MTR: variants seen among roughly 807,000 people sequenced by gnomAD.
The protein encoded by MTR is methionine synthase.
A neutral mutation model predicts 154.8 loss-of-function variants in MTR; 84 were observed. The ratio of observed to expected loss-of-function variants is 0.54; its 90% CI spans 0.45 to 0.65. The LOEUF (loss-of-function observed/expected upper bound fraction) is 0.65, where lower values mean the gene tolerates loss of function less well. MTR is among the 30% of genes least tolerant of loss of function. The pLI, the probability that MTR is intolerant of heterozygous loss-of-function variation, is 0.00. For synonymous variants in MTR, 554 were observed against 553.9 expected, an observed-to-expected ratio of 1.00 and a Z score of 0.00; for missense variants, 1,275 against 1,570.2, an observed-to-expected ratio of 0.81 and a Z score of 3.18.
At chr1:236,881,024 A>G (rs563033094) in intron 25 of MTR, among the ~76,000 whole-genome samples, 188 bp downstream of exon 25, 3 of 152,324 alleles carry the variant, frequency 2.0e-5, no homozygotes, top group South Asian at 2.1e-4. Flanking sequence ...ACCATGTCCT[A>G]TACTTTCAAA....
chr1:236,820,342 G>A (rs555498477), intron 8 of MTR: 614 of 756,660 alleles, frequency 8.1e-4, no homozygotes, highest in Middle Eastern at 3.2e-3. Context: ...TCCAGCTCCC[G>A]AGTTCACTGC....
intron 18 of MTR, among the ~76,000 whole-genome samples, chr1:236,856,156 T>C (rs1334910291): frequency 6.6e-6 from 1 of 152,178 alleles, no homozygotes. Context: ...GTCTGGTACA[T>C]TGTGGTATTT....
chr1:236,891,234 GCA>G lies in MTR; in HGVS notation c.3112_3113del (p.Gln1038GlufsTer32), dbSNP rs772410772. The G allele has an allele frequency of 6.2e-7, 1 of 1,614,160 alleles. No homozygotes were observed. The highest frequency in any genetic ancestry group is 1.3e-5 in the African/African-American group (1 of 75,022). On this transcript the variant is annotated frameshift_variant, in exon 29 of 33. Transcript: ENST00000366577. LOFTEE classifies it high-confidence loss of function. ...RARGVVGFWP[A>X]QSIQDDIHLY... The stretch of plus-strand genomic sequence containing the variant: ...CCGGGGTGTGGTTGGGTTCTGGCCA[GCA>G]CAGAGTATCCAAGACGACATTCACC...
chr1:236,898,441 C>G lies in MTR; in HGVS notation c.*797C>G, dbSNP rs1234405015. 6.6e-6 allele frequency: 1 copy of G among 151,552 alleles called. No individual in the cohort carries two copies. Among genetic ancestry groups the G allele is most frequent in the East Asian group, 1.9e-4 (1 of 5,170 alleles). 9.4% of individuals were successfully genotyped at this position (151,552 alleles called of 1,614,324 possible). On this transcript the variant is annotated 3_prime_UTR_variant, in exon 33 of 33. Transcript: ENST00000366577. ...TTGAGACAGAGTCTGGCTCTGTCGC[C>G]CAGGCTGGAGTGCAGGGGCGCAATC...
chr1:236,795,720 A>G lies in MTR; in HGVS notation c.17A>G (p.Gln6Arg). 1.2e-6 allele frequency: 2 copies of G among 1,614,170 alleles called. No homozygotes were observed. Among genetic ancestry groups the G allele is most frequent in the East Asian group, 4.5e-5 (2 of 44,886 alleles). The change falls in exon 1 of 33, where the codon CAA becomes CGA. Residue 6 changes from glutamine (Q) to arginine (R), a missense_variant. Physicochemically the swap from Gln to Arg is conservative, Grantham distance 43. Coordinates refer to ENST00000366577, the MANE Select transcript of MTR (RefSeq NM_000254.3). MSPAL[Q>R]DLSQPEGLKK... ...CTCGACAACATGTCACCCGCGCTCC[A>G]AGACCTGTCGCAACCCGGTAACGCT...
chr1:236,859,702 C>G (rs375566718), intron 18 of MTR, 131 bp from the exon 19 acceptor site: 1 of 715,380 alleles, frequency 1.4e-6, no homozygotes, highest in African/African-American at 1.7e-5. Context: ...TTATGCTGGA[C>G]AGTCTACTAG....
At chr1:236,888,351 A>G (rs1019455829) in intron 27 of MTR, among the ~76,000 whole-genome samples, 2 of 152,212 alleles carry the variant, frequency 1.3e-5, no homozygotes, top group Non-Finnish European at 2.9e-5. Context: ...GTGCTGCTCT[A>G]CCTGCCCCAG....
rs1198665229 is a variant in MTR, at chr1:236,822,303, G to GT, written c.765-1808dup. Among the ~76,000 whole-genome samples the GT allele has an allele frequency of 2.8e-4, 32 of 115,248 alleles. No individual in the cohort carries two copies. The South Asian group carries it at 4.6e-3, about 17-fold the overall frequency. The allele number at this position is 115,248 out of a possible 152,430, so 75.6% of individuals were successfully genotyped here. On this transcript the variant is annotated intron_variant, in intron 8 of 32. Coordinates refer to ENST00000366577, the MANE Select transcript of MTR (RefSeq NM_000254.3). The stretch of plus-strand genomic sequence containing the variant: ...GTGCTAGTGTAAATGGTTTTGTGGG[G>GT]TTTTTTTTGTTTTTTTTTTTTTTTG...
chr1:236,798,718 CAGAA>C (rs1660542007), intron 1 of MTR, among the ~76,000 whole-genome samples: 1 of 152,180 alleles, frequency 6.6e-6, no homozygotes, highest in Non-Finnish European at 1.5e-5. Context: ...GAAAGATAAT[CAGAA>C]AGAATCTGCT....
In MTR at chr1:236,856,185, TC is replaced by T. The variant is rs147621816; in HGVS notation, c.1953+3099del. ...GGTATTTTTCTGTGAACACACCAGT[TC>T]CTTTTTTCAAGAGTGTTTGGAACAC... On this transcript the variant is annotated intron_variant, in intron 18 of 32. Coordinates refer to ENST00000366577, the MANE Select transcript of MTR (RefSeq NM_000254.3). Among the ~76,000 whole-genome samples, 384 of 152,276 alleles carry T rather than the reference TC, an allele frequency of 2.5e-3. 6 individuals carry two copies. Among genetic ancestry groups the T allele is most frequent in the East Asian group, 0.013 (66 of 5,174 alleles).
At chr1:236,828,153 AT>A (rs1662403732) in intron 11 of MTR, among the ~76,000 whole-genome samples, 1 of 151,814 alleles carries the variant, frequency 6.6e-6, no homozygotes, top group African/African-American at 2.4e-5. Context: ...AATTTTTTGT[AT>A]TTTTAGTAGA....
intron 8 of MTR, chr1:236,820,077 G>T: frequency 2.6e-6 from 2 of 775,170 alleles, no homozygotes; most frequent in Non-Finnish European, 4.7e-6. Context: ...CCATTGCGCT[G>T]TGTAACACAG....
At chr1:236,802,807 C>CA (rs1312039456) in intron 1 of MTR, among the ~76,000 whole-genome samples, 1 of 152,056 alleles carries the variant, frequency 6.6e-6, no homozygotes, top group Non-Finnish European at 1.5e-5. Flanking sequence ...TGTGGCTTTC[C>CA]AGTAGGTCGT....
chr1:236,903,663 A>G lies in MTR; in HGVS notation c.*6019A>G, dbSNP rs956710427. 1.6e-4 allele frequency: 25 copies of G among 152,320 alleles called. No homozygotes were observed. Among genetic ancestry groups the G allele is most frequent in the Admixed American group, 5.9e-4 (9 of 15,308 alleles). 9.4% of individuals were successfully genotyped at this position (152,320 alleles called of 1,614,324 possible). ...TCACAAATGCTGTTGATCACAGACA[A>G]TCTCTGCCATCCATAAGGTAAATGT... is the stretch of plus-strand genomic sequence containing the variant. On this transcript the variant is annotated 3_prime_UTR_variant, in exon 33 of 33. Coordinates refer to ENST00000366577, the MANE Select transcript of MTR (RefSeq NM_000254.3).
rs1278875339 is a variant in MTR, at chr1:236,898,830, C to T, written c.*1186C>T. 5 of 152,078 alleles carry T rather than the reference C, an allele frequency of 3.3e-5. No individual in the cohort carries two copies. Among genetic ancestry groups the T allele is most frequent in the African/African-American group, 9.7e-5 (4 of 41,382 alleles). 9.4% of individuals were successfully genotyped at this position (152,078 alleles called of 1,614,324 possible). On this transcript the variant is annotated 3_prime_UTR_variant, in exon 33 of 33. Transcript: ENST00000366577. The stretch of plus-strand genomic sequence containing the variant: ...TCACTCATTTCTTACCATTTTATTC[C>T]CCTCAATTCTCAATATATTCAGTAA...
intron 24 of MTR, among the ~76,000 whole-genome samples, chr1:236,879,187 A>G (rs756421397): frequency 3.9e-5 from 6 of 152,246 alleles, no homozygotes; most frequent in Non-Finnish European, 8.8e-5. Flanking sequence ...AGAGGAATGT[A>G]AAGTACAATT....
chr1:236,869,763 A>G (rs1351002595), intron 22 of MTR, among the ~76,000 whole-genome samples: 1 of 152,016 alleles, frequency 6.6e-6, no homozygotes, highest in Non-Finnish European at 1.5e-5. Context: ...GGCAGGCTGG[A>G]TCTGACCTGT....
chr1:236,848,941 C>A (rs1663742512), intron 15 of MTR, among the ~76,000 whole-genome samples: 1 of 152,202 alleles, frequency 6.6e-6, no homozygotes, highest in Admixed American at 6.5e-5. Context: ...GTCCCTACCC[C>A]CTCATCTCCA....
intron 15 of MTR, among the ~76,000 whole-genome samples, chr1:236,842,125 T>C (rs1038859325): frequency 1.3e-5 from 2 of 152,210 alleles, no homozygotes; most frequent in Non-Finnish European, 2.9e-5. Flanking sequence ...TCTCCTGACC[T>C]CGTGATCCGC....
Sources: allele counts gnomAD v4.1 joint callset (sites outside exome capture counted in the v4.1 genomes callset), GRCh38; gene constraint gnomAD v4.1.1; transcripts MANE v1.5; gene names NCBI Gene and HGNC (gene_info 2026-07-23, HGNC 2026-07-21).